SLC5A4: variants seen among roughly 807,000 people sequenced by gnomAD.
The protein encoded by SLC5A4 is probable glucose sensor protein SLC5A4.
Under a neutral mutation model 70.3 loss-of-function variants are expected in SLC5A4, and 55 were observed. The observed-to-expected ratio is 0.78, with a 90% CI of 0.63 to 0.98. SLC5A4 has a LOEUF of 0.98. Among genes scored for constraint, SLC5A4 ranks in the 50% least tolerant of loss-of-function variants. SLC5A4 has a pLI of 0.00. For synonymous variants in SLC5A4, 268 were observed against 305.7 expected, an observed-to-expected ratio of 0.88 and a Z score of 1.29; for missense variants, 735 against 839.2, an observed-to-expected ratio of 0.88 and a Z score of 1.53.
the SLC5A4 span, chr22:32,271,058 TC>T: frequency 1.7e-6 from 1 of 574,126 alleles, no homozygotes; most frequent in East Asian, 3.6e-5. Context: ...GGATTTGGGA[TC>T]CCTCTTCAGT....
chr22:32,242,446 A>T (rs866594265), intron 5 of SLC5A4, among the ~76,000 whole-genome samples: 1 of 152,218 alleles, frequency 6.6e-6, no homozygotes, highest in Non-Finnish European at 1.5e-5. Flanking sequence ...GTGGTGGCTC[A>T]TGCCTGTAAT....
At chr22:32,304,615 A>G in the SLC5A4 span, among the ~76,000 whole-genome samples, 2 of 152,228 alleles carry the variant, frequency 1.3e-5, no homozygotes, top group East Asian at 1.9e-4. Context: ...AATTCTTTGT[A>G]TATTTTGGCT....
At chr22:32,299,036 A>C in the SLC5A4 span, among the ~76,000 whole-genome samples, 3 of 142,626 alleles carry the variant, frequency 2.1e-5, no homozygotes, top group East Asian at 6.1e-4. Context: ...TGTTAGTCTG[A>C]TGAGCTTCCC....
chr22:32,333,550 A>C, the SLC5A4 span, among the ~76,000 whole-genome samples: 10 of 152,036 alleles, frequency 6.6e-5, no homozygotes, highest in African/African-American at 2.2e-4. Flanking sequence ...GGCTGTGTGC[A>C]CTGTGGCCCT....
At chr22:32,269,744 G>A in the SLC5A4 span, 1 of 639,876 alleles carries the variant, frequency 1.6e-6, no homozygotes, top group Admixed American at 1.8e-5. This position sits in a 1 kb window ranked among gnomAD's most constrained non-coding sequence, Gnocchi z 4.1. Context: ...CTTTCCCGCT[G>A]TGCACCCAGC....
chr22:32,327,952 CCCCAGCCTGAATTGGG>C, the SLC5A4 span, among the ~76,000 whole-genome samples: 1 of 152,154 alleles, frequency 6.6e-6, no homozygotes, highest in South Asian at 2.1e-4. Context: ...GTCCTACAGG[CCCCAGCCTGAATTGGG>C]CCCAGCAATT....
chr22:32,297,391 C>T, the SLC5A4 span, among the ~76,000 whole-genome samples: 1 of 151,468 alleles, frequency 6.6e-6, no homozygotes, highest in Non-Finnish European at 1.5e-5. Flanking sequence ...GGAGAGTGTA[C>T]GTGTCCAGGA....
chr22:32,293,370 T>G, the SLC5A4 span, among the ~76,000 whole-genome samples: 1 of 152,124 alleles, frequency 6.6e-6, no homozygotes, highest in Non-Finnish European at 1.5e-5. Context: ...TCTTCTCAAT[T>G]TTTGTTTTCT....
At chr22:32,271,534 A>G in the SLC5A4 span, 1 of 708,936 alleles carries the variant, frequency 1.4e-6, no homozygotes, top group South Asian at 1.5e-5. Flanking sequence ...CCATCCAAGA[A>G]GAAAGCAGGT....
chr22:32,226,370 C>G (rs1221300320), intron 11 of SLC5A4, among the ~76,000 whole-genome samples: 1 of 152,208 alleles, frequency 6.6e-6, no homozygotes, highest in Non-Finnish European at 1.5e-5. Flanking sequence ...GTCCAGGGAG[C>G]ATGACTTCTT....
At chr22:32,233,801 A>G (rs745799837) in intron 8 of SLC5A4, among the ~76,000 whole-genome samples, 1 of 152,118 alleles carries the variant, frequency 6.6e-6, no homozygotes, top group African/African-American at 2.4e-5. Flanking sequence ...GTCTCTATTT[A>G]AAAAATAATG....
the SLC5A4 span, among the ~76,000 whole-genome samples, chr22:32,303,678 T>C: frequency 6.6e-6 from 1 of 152,208 alleles, no homozygotes; most frequent in Non-Finnish European, 1.5e-5. Flanking sequence ...ATTGTCTGGA[T>C]GTACCACGGT....
At chr22:32,345,401 C>T in the SLC5A4 span, among the ~76,000 whole-genome samples, 1 of 152,110 alleles carries the variant, frequency 6.6e-6, no homozygotes, top group Non-Finnish European at 1.5e-5. Context: ...CACATCTAAG[C>T]CATTCAGAAA....
chr22:32,320,776 A>C, the SLC5A4 span, among the ~76,000 whole-genome samples: 29 of 152,382 alleles, frequency 1.9e-4, no homozygotes, highest in Admixed American at 1.7e-3. Flanking sequence ...TTCGTAAGAC[A>C]GTGAGATGTC....
chr22:32,289,072 T>C, the SLC5A4 span, among the ~76,000 whole-genome samples: 2 of 152,116 alleles, frequency 1.3e-5, no homozygotes, highest in African/African-American at 2.4e-5. Context: ...GTATTTCAAG[T>C]ATTGAGACAA....
chr22:32,246,981 G>A (rs564687658), intron 5 of SLC5A4, among the ~76,000 whole-genome samples: 5 of 152,238 alleles, frequency 3.3e-5, no homozygotes, highest in African/African-American at 7.2e-5. Context: ...TGTGGTTCAC[G>A]TGTCAGATAA....
intron 2 of SLC5A4, among the ~76,000 whole-genome samples, chr22:32,253,530 A>C (rs1342143187): frequency 6.6e-6 from 1 of 152,240 alleles, no homozygotes; most frequent in Non-Finnish European, 1.5e-5. Context: ...CTGGCAACAA[A>C]GCAGGAATGC....
chr22:32,238,264 G>T (rs946811535), intron 6 of SLC5A4, among the ~76,000 whole-genome samples: 16 of 152,250 alleles, frequency 1.1e-4, no homozygotes, highest in African/African-American at 2.4e-4. Flanking sequence ...CCTGTGGTCT[G>T]CCATAGCACA....
the SLC5A4 span, among the ~76,000 whole-genome samples, chr22:32,354,238 T>C: frequency 4.9e-5 from 5 of 101,356 alleles, no homozygotes; most frequent in Admixed American, 7.1e-4. Context: ...GCACTCCCAA[T>C]AAATCCTGCT....
Sources: allele counts gnomAD v4.1 joint callset (sites outside exome capture counted in the v4.1 genomes callset), GRCh38; gene constraint gnomAD v4.1.1; non-coding constraint Gnocchi (gnomAD v3.1); transcripts MANE v1.5; gene names NCBI Gene and HGNC (gene_info 2026-07-23, HGNC 2026-07-21).